AFF3: variants seen among roughly 807,000 people sequenced by gnomAD.
AFF3 encodes AF4/FMR2 family member 3.
In AFF3, 32 loss-of-function variants were observed where a neutral mutation model predicts 129.7. That is an observed-to-expected ratio of 0.25 (90% CI 0.19 to 0.33). The LOEUF (loss-of-function observed/expected upper bound fraction) is 0.33. AFF3 is among the 10% of genes least tolerant of loss of function. The pLI is 1.00. For missense variants in AFF3, 1,373 were observed against 1,592.0 expected (o/e 0.86, Z 2.34); for synonymous variants, 644 against 635.4 (o/e 1.01, Z -0.20).
At chr2:100,049,952 G>C (rs561602143) in intron 4 of AFF3, among the ~76,000 whole-genome samples, 1 of 152,090 alleles carries the variant, frequency 6.6e-6, no homozygotes, top group African/African-American at 2.4e-5. Context: ...AGTGGCTCAC[G>C]CCTGTAATCC....
intron 13 of AFF3, chr2:99,631,086 C>G (rs2105388692): frequency 2.7e-6 from 1 of 374,652 alleles, no homozygotes; most frequent in South Asian, 2.0e-5. Flanking sequence ...GGGGCTCAGG[C>G]AGGGCCTGGC....
At chr2:99,936,294 C>A (rs1250560411) in intron 7 of AFF3, among the ~76,000 whole-genome samples, 2 of 152,096 alleles carry the variant, frequency 1.3e-5, no homozygotes, top group Non-Finnish European at 2.9e-5. Flanking sequence ...GCTATGTGGG[C>A]AGGAATCCCC....
At chr2:99,886,136 A>G (rs530228894) in intron 7 of AFF3, among the ~76,000 whole-genome samples, 2 of 152,214 alleles carry the variant, frequency 1.3e-5, no homozygotes, top group Non-Finnish European at 2.9e-5. Flanking sequence ...TATACCTCGT[A>G]TGTACCCTCT....
At chr2:100,120,155 T>C (rs1408773256) in intron 2 of AFF3, among the ~76,000 whole-genome samples, 1 of 152,168 alleles carries the variant, frequency 6.6e-6, no homozygotes, top group African/African-American at 2.4e-5. Flanking sequence ...AGGCTTACGA[T>C]TGACAAAATG....
chr2:99,922,086 G>A (rs1462601062), intron 7 of AFF3, among the ~76,000 whole-genome samples: 2 of 152,112 alleles, frequency 1.3e-5, no homozygotes. Flanking sequence ...ATGGAGTAAC[G>A]ATATGGAGTA....
At chr2:99,729,851 T>C (rs1478276925) in intron 10 of AFF3, among the ~76,000 whole-genome samples, 2 of 151,616 alleles carry the variant, frequency 1.3e-5, no homozygotes, top group South Asian at 2.1e-4. Flanking sequence ...TATTTCATGA[T>C]GGACCAATGT....
At chr2:99,558,763 C>G in intron 22 of AFF3, 112 bp downstream of exon 22, 1 of 1,004,704 alleles carries the variant, frequency 1.0e-6, no homozygotes, top group African/African-American at 1.6e-5. Context: ...CCTTGGGGAC[C>G]AGAGGTGACC....
At chr2:99,560,221 C>G in intron 21 of AFF3, 144 bp downstream of exon 21, 1 of 823,036 alleles carries the variant, frequency 1.2e-6, no homozygotes. Flanking sequence ...AAAAAATGGT[C>G]TGGACTTTCC....
At chr2:100,080,758 T>C (rs1399869825) in intron 4 of AFF3, among the ~76,000 whole-genome samples, 2 of 152,096 alleles carry the variant, frequency 1.3e-5, no homozygotes, top group African/African-American at 4.8e-5. Flanking sequence ...TAGTGAACTC[T>C]GCACTTCTCT....
rs578218629 is a variant in AFF3 at position 99,905,652 on chromosome 2, A to G, written c.874-68128T>C. Among the ~76,000 whole-genome samples the G allele has an allele frequency of 5.9e-5, 9 of 152,326 alleles. No individual in the cohort carries two copies. In the East Asian group the frequency reaches 1.3e-3, roughly 23 times the overall value. On this transcript the variant is annotated intron_variant, in intron 7 of 24. Transcript: ENST00000672756. ...GTTTGAATTTTATATTTCAAAAACT[A>G]TAACAGATATTCATGAGTTTAATTT... is the stretch of plus-strand genomic sequence containing the variant.
At chr2:99,725,529 C>T (rs1679298424) in intron 11 of AFF3, among the ~76,000 whole-genome samples, 1 of 151,766 alleles carries the variant, frequency 6.6e-6, no homozygotes, top group South Asian at 2.1e-4. Context: ...GAGGTTTTGC[C>T]ATTTTGGCCA....
chr2:99,910,949 C>G (rs1160361892), intron 7 of AFF3, among the ~76,000 whole-genome samples: 1 of 152,232 alleles, frequency 6.6e-6, no homozygotes, highest in Non-Finnish European at 1.5e-5. Flanking sequence ...ACAATGCCTT[C>G]CCTCTTATCC....
chr2:99,592,766 T>A (rs1184280189), intron 15 of AFF3, among the ~76,000 whole-genome samples: 1 of 151,982 alleles, frequency 6.6e-6, no homozygotes, highest in African/African-American at 2.4e-5. Context: ...AAACCCTGTC[T>A]TTACTAAAAA....
chr2:99,959,897 C>G (rs1677059263), intron 7 of AFF3, among the ~76,000 whole-genome samples: 1 of 151,898 alleles, frequency 6.6e-6, no homozygotes, highest in South Asian at 2.1e-4. Flanking sequence ...CTGCATCAAC[C>G]AATCACATCT....
chr2:100,130,636 G>A (rs913785893), intron 1 of AFF3, among the ~76,000 whole-genome samples: 5 of 152,328 alleles, frequency 3.3e-5, no homozygotes, highest in Non-Finnish European at 7.3e-5. Flanking sequence ...TTCAAATACT[G>A]ATTTCCAGGA....
chr2:99,970,931 TAA>T (rs1415777942), intron 7 of AFF3, among the ~76,000 whole-genome samples: 1 of 152,214 alleles, frequency 6.6e-6, no homozygotes, highest in Non-Finnish European at 1.5e-5. Context: ...TTGCACTCCC[TAA>T]GTTTCCTAAG....
intron 7 of AFF3, among the ~76,000 whole-genome samples, chr2:99,855,127 C>CA (rs1227673102): frequency 1.3e-5 from 2 of 151,968 alleles, no homozygotes; most frequent in Non-Finnish European, 1.5e-5. Context: ...ACACAAACTA[C>CA]AAAAAAATCG....
chr2:99,758,585 CAAAAAA>C (rs5832882), intron 8 of AFF3, among the ~76,000 whole-genome samples: 3 of 103,216 alleles, frequency 2.9e-5, no homozygotes, highest in African/African-American at 1.1e-4. Flanking sequence ...GACTCCATCT[CAAAAAA>C]AAAAAAAAAA....
intron 11 of AFF3, among the ~76,000 whole-genome samples, chr2:99,701,243 G>T (rs974321896): frequency 1.3e-5 from 2 of 152,096 alleles, no homozygotes; most frequent in Admixed American, 6.5e-5. Context: ...ATGACAAATG[G>T]CACACCAAAG....
Sources: allele counts gnomAD v4.1 joint callset (sites outside exome capture counted in the v4.1 genomes callset), GRCh38; gene constraint gnomAD v4.1.1; transcripts MANE v1.5; gene names NCBI Gene and HGNC (gene_info 2026-07-23, HGNC 2026-07-21).